The following DACH1 variants were observed in gnomAD, a reference collection of about 807,000 sequenced individuals.
The protein encoded by DACH1 is dachshund family transcription factor 1, also known as dachshund homolog 1.
In DACH1, 12 loss-of-function variants were observed where a neutral mutation model predicts 54.2. The observed-to-expected ratio is 0.22, with a 90% confidence interval of 0.14 to 0.36. The LOEUF (loss-of-function observed/expected upper bound fraction) is 0.36. Among genes scored for constraint, DACH1 ranks in the 10% least tolerant of loss-of-function variants. DACH1 has a pLI of 1.00. For missense variants in DACH1, 805 were observed against 929.8 expected (o/e 0.87, Z 1.75); for synonymous variants, 386 against 366.2 (o/e 1.05, Z -0.62).
chr13:71,627,382 T>C (rs1193814624), intron 3 of DACH1, among the ~76,000 whole-genome samples: 2 of 147,068 alleles, frequency 1.4e-5, no homozygotes, highest in African/African-American at 2.5e-5. Flanking sequence ...ACTTATGAGC[T>C]AGATGAGTGC....
At chr13:71,665,844 T>C (rs981093010) in intron 2 of DACH1, among the ~76,000 whole-genome samples, 1 of 152,116 alleles carries the variant, frequency 6.6e-6, no homozygotes, top group Admixed American at 6.5e-5. Context: ...ATCACTGAAT[T>C]CAATCCCCAA....
intron 1 of DACH1, among the ~76,000 whole-genome samples, chr13:71,775,554 C>A (rs1442776660): frequency 6.6e-6 from 1 of 151,964 alleles, no homozygotes; most frequent in East Asian, 1.9e-4. Flanking sequence ...TGCATATTCA[C>A]ACAAAGATAT....
chr13:71,647,831 C>T (rs1878394684), intron 2 of DACH1, among the ~76,000 whole-genome samples: 1 of 152,320 alleles, frequency 6.6e-6, no homozygotes, highest in South Asian at 2.1e-4. Context: ...CAAAAAGAAG[C>T]CCACTTACTT....
In DACH1 at chr13:71,440,468, C is replaced by T. The variant is rs1873913531; in HGVS notation, c.*187G>A. On this transcript the variant is annotated 3_prime_UTR_variant, in exon 11 of 11. Transcript: ENST00000613252. ...ACATTCTCAGGTCTCTGGTATGAAC[C>T]ACAGGTGAAAATCAATGGAGAAAAC... 7.6e-6 allele frequency: 4 copies of T among 524,766 alleles called. No individual in the cohort carries two copies. Among genetic ancestry groups the T allele is most frequent in the Non-Finnish European group, 1.3e-5 (4 of 300,010 alleles). 32.5% of individuals were successfully genotyped at this position (524,766 alleles called of 1,614,324 possible). A position where few individuals can be genotyped will look rare whatever the true frequency, so the allele number is the denominator to read the frequency against.
intron 1 of DACH1, among the ~76,000 whole-genome samples, chr13:71,858,113 C>T (rs932008895): frequency 6.6e-6 from 1 of 151,480 alleles, no homozygotes; most frequent in Non-Finnish European, 1.5e-5. Context: ...GACCAGTATC[C>T]CTTAAATGGA....
chr13:71,713,303 C>T (rs1316091589), intron 1 of DACH1, among the ~76,000 whole-genome samples: 1 of 152,044 alleles, frequency 6.6e-6, no homozygotes, highest in Non-Finnish European at 1.5e-5. Context: ...AAGGCAAAAG[C>T]AAGCTATTTC....
chr13:71,743,315 A>C (rs1015378485), intron 1 of DACH1, among the ~76,000 whole-genome samples: 2 of 152,192 alleles, frequency 1.3e-5, no homozygotes, highest in African/African-American at 4.8e-5. Flanking sequence ...AGAAGACCCC[A>C]ATAAAGTTGA....
At chr13:71,518,445 A>G (rs1566311711) in intron 6 of DACH1, among the ~76,000 whole-genome samples, 2 of 151,756 alleles carry the variant, frequency 1.3e-5, no homozygotes, top group Non-Finnish European at 2.9e-5. Context: ...TGTTATGATG[A>G]CTCCAACAAA....
intron 1 of DACH1, among the ~76,000 whole-genome samples, chr13:71,834,333 A>G (rs958402302): frequency 2.0e-5 from 3 of 152,032 alleles, no homozygotes; most frequent in African/African-American, 7.2e-5. Flanking sequence ...ATATAAAAAC[A>G]GGGTTATGAG....
At chr13:71,751,764 A>T (rs1273293893) in intron 1 of DACH1, among the ~76,000 whole-genome samples, 4 of 152,178 alleles carry the variant, frequency 2.6e-5, no homozygotes, top group Non-Finnish European at 4.4e-5. Flanking sequence ...TCACCTCTTA[A>T]AATAATATGC....
chr13:71,718,213 A>G (rs1247208233), intron 1 of DACH1, among the ~76,000 whole-genome samples: 1 of 152,168 alleles, frequency 6.6e-6, no homozygotes, highest in East Asian at 1.9e-4. Flanking sequence ...GATTAAATTC[A>G]TTCCTTTCAC....
chr13:71,531,511 A>G (rs1882414733), intron 6 of DACH1, among the ~76,000 whole-genome samples: 1 of 152,056 alleles, frequency 6.6e-6, no homozygotes, highest in Non-Finnish European at 1.5e-5. Flanking sequence ...ATAATCTCAT[A>G]TGAGATGCAC....
intron 6 of DACH1, among the ~76,000 whole-genome samples, chr13:71,545,087 G>A (rs1427177653): frequency 6.6e-6 from 1 of 152,022 alleles, no homozygotes; most frequent in Non-Finnish European, 1.5e-5. Context: ...AGATGGAACA[G>A]TTTTGCTAAT....
intron 1 of DACH1, among the ~76,000 whole-genome samples, chr13:71,701,956 C>T (rs1882156111): frequency 6.6e-6 from 1 of 152,112 alleles, no homozygotes; most frequent in Non-Finnish European, 1.5e-5. Context: ...ATACCAACTC[C>T]ACATGCCTGC....
At chr13:71,742,531 TG>T (rs1340256007) in intron 1 of DACH1, among the ~76,000 whole-genome samples, 2 of 152,058 alleles carry the variant, frequency 1.3e-5, no homozygotes, top group Non-Finnish European at 2.9e-5. Flanking sequence ...TTTACTCCAT[TG>T]GGGAAAAAAA....
intron 6 of DACH1, among the ~76,000 whole-genome samples, chr13:71,555,270 T>TA (rs1884165358): frequency 6.6e-6 from 1 of 152,160 alleles, no homozygotes; most frequent in Admixed American, 6.5e-5. Context: ...TTAATTATTA[T>TA]ATTTAAATAT....
intron 6 of DACH1, among the ~76,000 whole-genome samples, chr13:71,504,135 T>G (rs928168665): frequency 2.6e-5 from 4 of 152,158 alleles, no homozygotes; most frequent in African/African-American, 9.6e-5. Flanking sequence ...GAGATGACGT[T>G]GTTAGATTTA....
chr13:71,533,804 A>G (rs1566321786), intron 6 of DACH1, among the ~76,000 whole-genome samples: 2 of 151,828 alleles, frequency 1.3e-5, no homozygotes, highest in South Asian at 2.1e-4. Flanking sequence ...TACTGTATTG[A>G]TAGCTAGGTA....
intron 6 of DACH1, among the ~76,000 whole-genome samples, chr13:71,524,974 G>A (rs1484465975): frequency 6.6e-6 from 1 of 152,102 alleles, no homozygotes; most frequent in African/African-American, 2.4e-5. Context: ...CTGGCATTTA[G>A]CATGACTTTT....
Sources: allele counts gnomAD v4.1 joint callset (sites outside exome capture counted in the v4.1 genomes callset), GRCh38; gene constraint gnomAD v4.1.1; transcripts MANE v1.5; gene names NCBI Gene and HGNC (gene_info 2026-07-23, HGNC 2026-07-21).